The following TECRL variants were observed in gnomAD, a reference collection of about 807,000 sequenced individuals.
The protein encoded by TECRL is trans-2,3-enoyl-CoA reductase like, also known as trans-2,3-enoyl-CoA reductase-like.
Under a neutral mutation model 52.8 loss-of-function variants are expected in TECRL, and 63 were observed. The ratio of observed to expected loss-of-function variants is 1.19; its 90% confidence interval spans 0.97 to 1.47. The LOEUF (loss-of-function observed/expected upper bound fraction) is 1.47, where lower values mean the gene tolerates loss of function less well. Ranked by LOEUF, TECRL falls within the 40% of genes most tolerant of loss-of-function variation. TECRL has a pLI of 0.00. For synonymous variants in TECRL, 164 were observed against 141.9 expected, an observed-to-expected ratio of 1.16 and a Z score of -1.10; for missense variants, 482 against 429.6, an observed-to-expected ratio of 1.12 and a Z score of -1.08.
chr4:64,321,919 A>T (rs949312778), intron 4 of TECRL, among the ~76,000 whole-genome samples: 1 of 152,166 alleles, frequency 6.6e-6, no homozygotes, highest in Non-Finnish European at 1.5e-5. Flanking sequence ...CTCCAGTGTC[A>T]AAAGAATCTG....
At chr4:64,316,771 CT>C (rs1717524473) in intron 4 of TECRL, among the ~76,000 whole-genome samples, 1 of 152,098 alleles carries the variant, frequency 6.6e-6, no homozygotes, top group African/African-American at 2.4e-5. Context: ...GCAGATACAC[CT>C]TTTTCTTATT....
At chr4:64,300,664 A>G (rs1449557116) in intron 7 of TECRL, among the ~76,000 whole-genome samples, 2 of 151,018 alleles carry the variant, frequency 1.3e-5, no homozygotes, top group African/African-American at 2.4e-5. Context: ...ATATTTATTA[A>G]CAGTTGCATT....
chr4:64,289,943 C>T (rs1723289494), intron 8 of TECRL, among the ~76,000 whole-genome samples, 176 bp from the exon 9 acceptor site: 1 of 151,998 alleles, frequency 6.6e-6, no homozygotes, highest in African/African-American at 2.4e-5. Context: ...GAAAGAAGTT[C>T]TTGCTGGCAT....
At chr4:64,339,765 A>G (rs1369080008) in intron 2 of TECRL, among the ~76,000 whole-genome samples, 2 of 152,112 alleles carry the variant, frequency 1.3e-5, no homozygotes, top group African/African-American at 4.8e-5. Context: ...CAAATATCTT[A>G]CTTCTTATAA....
chr4:64,401,414 C>T (rs1330730929), intron 1 of TECRL, among the ~76,000 whole-genome samples: 1 of 152,128 alleles, frequency 6.6e-6, no homozygotes, highest in African/African-American at 2.4e-5. Context: ...CTCAACCAGG[C>T]TAATGTTCTA....
At chr4:64,308,414 A>C (rs1724465487) in intron 6 of TECRL, among the ~76,000 whole-genome samples, 1 of 152,158 alleles carries the variant, frequency 6.6e-6, no homozygotes, top group Non-Finnish European at 1.5e-5. Flanking sequence ...GGCACTCATA[A>C]GTAATAGCCA....
At chr4:64,399,043 T>C (rs1048490259) in intron 1 of TECRL, among the ~76,000 whole-genome samples, 5 of 152,162 alleles carry the variant, frequency 3.3e-5, no homozygotes, top group African/African-American at 7.2e-5. Context: ...TTTGTTGTTG[T>C]TGTTCTTGTT....
chr4:64,292,037 C>T (rs1285779742), intron 8 of TECRL, among the ~76,000 whole-genome samples: 6 of 151,960 alleles, frequency 3.9e-5, no homozygotes, highest in Non-Finnish European at 8.8e-5. Flanking sequence ...CAGGTGAATC[C>T]AATACAGTTT....
At chr4:64,341,081 T>G (rs1159967230) in intron 2 of TECRL, among the ~76,000 whole-genome samples, 1 of 152,090 alleles carries the variant, frequency 6.6e-6, no homozygotes, top group Non-Finnish European at 1.5e-5. Context: ...GAGAGGAGCT[T>G]CCCACTCTAG....
Position 64,277,725 on chromosome 4 carries a change from T to G in TECRL, c.*2347A>C, listed in dbSNP as rs1467329096. 4 of 151,936 alleles carry G rather than the reference T, an allele frequency of 2.6e-5. No individual in the cohort carries two copies. The East Asian group carries it at 7.7e-4, about 29-fold the overall frequency. The allele number at this position is 151,936 out of a possible 1,614,324, so 9.4% of individuals were successfully genotyped here. A position where few individuals can be genotyped will look rare whatever the true frequency, so the allele number is the denominator to read the frequency against. On this transcript the variant is annotated 3_prime_UTR_variant, in exon 12 of 12. Coordinates refer to ENST00000381210, the MANE Select transcript of TECRL (RefSeq NM_001010874.5). ...GCTTTAATGAACATATTTTATAACA[T>G]ATGTATAATCTGAGAATTGAAAATA...
intron 1 of TECRL, among the ~76,000 whole-genome samples, chr4:64,404,075 A>AAT (rs1017413194): frequency 7.2e-5 from 11 of 152,154 alleles, no homozygotes; most frequent in African/African-American, 2.6e-4. Context: ...ACAAAGGTAT[A>AAT]ATTTGTATGC....
At chr4:64,339,982 T>A (rs145073458) in intron 2 of TECRL, among the ~76,000 whole-genome samples, 405 of 152,308 alleles carry the variant, frequency 2.7e-3, no homozygotes, top group Non-Finnish European at 4.0e-3. Context: ...TCTCTTGGTC[T>A]CACTATGAGC....
At position 64,300,005 on chromosome 4, in the gene TECRL, C is replaced by T; in HGVS notation, c.743G>A (p.Arg248Lys). 2 of 1,577,148 alleles carry T rather than the reference C, an allele frequency of 1.3e-6. No individual in the cohort carries two copies. The highest frequency in any genetic ancestry group is 4.6e-5 in the East Asian group (2 of 43,166). ...ATTGATAGCAGATACTGTGATTTGC[C>T]TGTTTCCAAATGCTGGAGAGTAGAA... ...PLYTPPSFGN[R>K]QITVSAINFL... is the part of the protein sequence containing the mutation. The change falls in exon 8 of 12, where the codon AGG (arginine) becomes AAG (lysine). Residue 248 changes from arginine (R) to lysine (K), a missense_variant. Transcript: ENST00000381210.
intron 2 of TECRL, among the ~76,000 whole-genome samples, chr4:64,356,275 G>A (rs1194917504): frequency 6.6e-6 from 1 of 152,046 alleles, no homozygotes; most frequent in African/African-American, 2.4e-5. Flanking sequence ...AGACCTGACC[G>A]TCCCCCAGCC....
intron 2 of TECRL, among the ~76,000 whole-genome samples, chr4:64,346,168 A>G (rs1358958720): frequency 6.6e-6 from 1 of 152,130 alleles, no homozygotes; most frequent in Non-Finnish European, 1.5e-5. Context: ...TCTTGCTACG[A>G]AATATTCAAA....
At chr4:64,395,063 G>T (rs181452043) in intron 1 of TECRL, among the ~76,000 whole-genome samples, 13 of 149,756 alleles carry the variant, frequency 8.7e-5, no homozygotes, top group African/African-American at 3.2e-4. Flanking sequence ...CAGGCACCTC[G>T]TCCACACCTG....
chr4:64,286,228 G>GA (rs982927670), intron 9 of TECRL, among the ~76,000 whole-genome samples: 24 of 150,744 alleles, frequency 1.6e-4, no homozygotes, highest in African/African-American at 4.6e-4. Flanking sequence ...AATAGATATG[G>GA]AAAAAAAACA....
chr4:64,320,138 T>G (rs1161092110), intron 4 of TECRL, among the ~76,000 whole-genome samples: 1 of 151,934 alleles, frequency 6.6e-6, no homozygotes, highest in Non-Finnish European at 1.5e-5. Context: ...ATTAACAGTC[T>G]TCATATAATG....
chr4:64,320,969 A>G (rs1354095077), intron 4 of TECRL, among the ~76,000 whole-genome samples: 1 of 152,090 alleles, frequency 6.6e-6, no homozygotes, highest in Non-Finnish European at 1.5e-5. Context: ...TGGAAAATAA[A>G]TCAACTATTT....
Sources: gnomAD v4.1 joint callset for allele counts (sites outside exome capture counted in the v4.1 genomes callset) on GRCh38, gnomAD v4.1.1 for gene constraint, MANE v1.5 for transcripts, NCBI Gene and HGNC (gene_info 2026-07-23, HGNC 2026-07-21) for gene names.